ATP8A1: variants seen among roughly 807,000 people sequenced by gnomAD.
The protein encoded by ATP8A1 is phospholipid-transporting ATPase IA.
A neutral mutation model predicts 177.7 loss-of-function variants in ATP8A1; 90 were observed. That is an observed-to-expected ratio of 0.51 (90% CI 0.43 to 0.60). The LOEUF is 0.60. Ranked by LOEUF, ATP8A1 falls within the 20% of genes least tolerant of loss-of-function variation. The probability of loss-of-function intolerance (pLI) is 0.00; values close to 1 mark genes in which losing one functional copy is unlikely to be tolerated. For missense variants in ATP8A1, 1,072 were observed against 1,392.8 expected, an observed-to-expected ratio of 0.77 and a Z score of 3.67; for synonymous variants, 493 against 485.9, an observed-to-expected ratio of 1.01 and a Z score of -0.19.
chr4:42,435,450 C>G (rs28620648), intron 33 of ATP8A1, among the ~76,000 whole-genome samples: 1 of 116,970 alleles, frequency 8.5e-6, no homozygotes, highest in Non-Finnish European at 1.8e-5. Context: ...AAAAAAAAAA[C>G]AAAAAAAAAA....
intron 22 of ATP8A1, among the ~76,000 whole-genome samples, chr4:42,516,459 A>G (rs1424960497): frequency 6.6e-6 from 1 of 152,244 alleles, no homozygotes; most frequent in Non-Finnish European, 1.5e-5. Context: ...TCTTATCACC[A>G]GGGAAATACT....
intron 5 of ATP8A1, among the ~76,000 whole-genome samples, chr4:42,615,757 C>T (rs572526249): frequency 1.3e-4 from 20 of 152,302 alleles, no homozygotes; most frequent in African/African-American, 4.6e-4. Context: ...ACTGTCAAAA[C>T]AACTGCAGAC....
At chr4:42,518,620 A>T (rs535755679) in intron 22 of ATP8A1, among the ~76,000 whole-genome samples, 63 of 152,322 alleles carry the variant, frequency 4.1e-4, no homozygotes, top group Non-Finnish European at 7.3e-4. Flanking sequence ...TTAAAAAATA[A>T]AAGATGTGAA....
intron 33 of ATP8A1, among the ~76,000 whole-genome samples, chr4:42,441,516 G>A (rs1305829069): frequency 6.6e-6 from 1 of 152,084 alleles, no homozygotes; most frequent in East Asian, 1.9e-4. Context: ...ATTGAATACA[G>A]CTACAACATT....
At chr4:42,653,431 A>G (rs1444924846) in intron 1 of ATP8A1, among the ~76,000 whole-genome samples, 1 of 152,196 alleles carries the variant, frequency 6.6e-6, no homozygotes, top group Non-Finnish European at 1.5e-5. Context: ...CTGTAACAGT[A>G]GTTGAAGTTC....
intron 19 of ATP8A1, among the ~76,000 whole-genome samples, chr4:42,547,936 T>C (rs943030397): frequency 1.3e-5 from 2 of 152,204 alleles, no homozygotes; most frequent in Admixed American, 6.5e-5. Context: ...TACTTCCTCA[T>C]GGCCTTAATT....
intron 14 of ATP8A1, among the ~76,000 whole-genome samples, chr4:42,574,037 G>A (rs1439705722): frequency 1.3e-5 from 2 of 152,086 alleles, no homozygotes; most frequent in Non-Finnish European, 2.9e-5. Context: ...AAGCATACCT[G>A]GAAGTAAGAA....
chr4:42,620,348 C>G (rs113183914), intron 4 of ATP8A1, among the ~76,000 whole-genome samples: 7 of 152,308 alleles, frequency 4.6e-5, no homozygotes, highest in African/African-American at 1.7e-4. Context: ...TCATATGATA[C>G]TATTATCTCA....
At chr4:42,519,291 C>G (rs138849407) in intron 22 of ATP8A1, among the ~76,000 whole-genome samples, 3 of 152,028 alleles carry the variant, frequency 2.0e-5, no homozygotes, top group East Asian at 1.9e-4. Flanking sequence ...GGAGTCTCCC[C>G]CTATGTTCCC....
intron 15 of ATP8A1, 67 bp downstream of exon 15, chr4:42,569,094 C>T (rs1731647898): frequency 9.4e-7 from 1 of 1,064,936 alleles, no homozygotes; most frequent in Non-Finnish European, 1.3e-6. Flanking sequence ...TGAAATGTGT[C>T]TTACAAAACA....
chr4:42,414,779 C>T (rs1713039715), intron 35 of ATP8A1, 61 bp from the exon 36 acceptor site: 1 of 1,204,956 alleles, frequency 8.3e-7, no homozygotes, highest in South Asian at 1.2e-5. Flanking sequence ...CCCAGTGTGC[C>T]CACAGGACCA....
At chr4:42,532,721 G>A (rs1442315146) in intron 20 of ATP8A1, among the ~76,000 whole-genome samples, 12 of 152,186 alleles carry the variant, frequency 7.9e-5, no homozygotes, top group African/African-American at 2.7e-4. Context: ...AGGCCTCTGA[G>A]CCCAAGCTAA....
At chr4:42,499,527 C>A (rs150941757) in intron 24 of ATP8A1, among the ~76,000 whole-genome samples, 180 of 152,260 alleles carry the variant, frequency 1.2e-3, no homozygotes, top group African/African-American at 4.1e-3. Context: ...GTTTAAGTCA[C>A]ACAGTTAATG....
chr4:42,448,892 G>A (rs1341437331), intron 30 of ATP8A1, among the ~76,000 whole-genome samples: 1 of 133,900 alleles, frequency 7.5e-6, no homozygotes, highest in Non-Finnish European at 1.5e-5. Context: ...CTGGAGTGCA[G>A]TGGCATGATC....
rs73810768 is a variant in ATP8A1 at position 42,630,631 on chromosome 4, A to G, written c.50-3522T>C. Among the ~76,000 whole-genome samples the G allele has an allele frequency of 7.8e-3, 1,189 of 152,284 alleles. 20 individuals carry two copies. Among genetic ancestry groups the G allele is most frequent in the African/African-American group, 0.027 (1,128 of 41,574 alleles). On this transcript the variant is annotated intron_variant, in intron 1 of 36. Coordinates refer to ENST00000381668, the MANE Select transcript of ATP8A1 (RefSeq NM_006095.2). ...AGCTTTTCCTAGCACAATCTTGTGC[A>G]AAGAGGACATACAATACTCACCTAT...
chr4:42,584,181 T>C (rs1356384065), intron 9 of ATP8A1, among the ~76,000 whole-genome samples: 1 of 152,098 alleles, frequency 6.6e-6, no homozygotes, highest in South Asian at 2.1e-4. Flanking sequence ...GTTCAACTAG[T>C]ATATTTAGCC....
chr4:42,511,126 T>A (rs532271782), intron 22 of ATP8A1, among the ~76,000 whole-genome samples: 2 of 152,338 alleles, frequency 1.3e-5, no homozygotes, highest in East Asian at 1.9e-4. Context: ...CTGGTTAATT[T>A]TAGCAGAAGG....
At position 42,509,355 on chromosome 4, in the gene ATP8A1, A is replaced by C. The variant is rs375657384; in HGVS notation, c.1948-2201T>G. ...TGTATTTAGCTTTTCCAGGCTCCAT[A>C]GTAGAGCTGTTGAGGAAGAAGGGGG... On this transcript the variant is annotated intron_variant, in intron 22 of 36. Transcript: ENST00000381668. 2.6e-5 allele frequency among the ~76,000 whole-genome samples: 4 copies of C among 152,320 alleles called. No individual in the cohort carries two copies. In the East Asian group the frequency reaches 7.7e-4, roughly 29 times the overall value.
At chr4:42,435,372 G>A (rs1373713306) in intron 33 of ATP8A1, among the ~76,000 whole-genome samples, 11 of 146,338 alleles carry the variant, frequency 7.5e-5, no homozygotes. Flanking sequence ...GTTGCAGTGA[G>A]CTGAGATCAC....
Sources: allele counts gnomAD v4.1 joint callset (sites outside exome capture counted in the v4.1 genomes callset), GRCh38; gene constraint gnomAD v4.1.1; transcripts MANE v1.5; gene names NCBI Gene and HGNC (gene_info 2026-07-23, HGNC 2026-07-21).